The following KIAA1210 variants were observed in gnomAD, a reference collection of about 807,000 sequenced individuals.
KIAA1210 encodes the protein acrosomal protein KIAA1210.
A neutral mutation model predicts 78.9 loss-of-function variants in KIAA1210; 48 were observed. The ratio of observed to expected loss-of-function variants is 0.61; its 90% CI spans 0.48 to 0.77. KIAA1210 has a LOEUF of 0.77. Ranked by LOEUF, KIAA1210 falls within the 30% of genes least tolerant of loss-of-function variation. The probability of loss-of-function intolerance (pLI) is 0.00; values close to 1 mark genes in which losing one functional copy is unlikely to be tolerated. For synonymous variants in KIAA1210, 406 were observed against 404.5 expected, an observed-to-expected ratio of 1.00 and a Z score of -0.04; for missense variants, 1,108 against 1,100.0, an observed-to-expected ratio of 1.01 and a Z score of -0.10.
At chrX:119,111,550 A>G (rs750528584) in intron 3 of KIAA1210, among the ~76,000 whole-genome samples, 125 of 107,847 alleles carry the variant, frequency 1.2e-3, no homozygotes, top group African/African-American at 4.1e-3. Flanking sequence ...GTGGGAGCTG[A>G]ACAATGAGAA....
Position 119,105,136 on chromosome X carries a change from C to T in KIAA1210, c.504G>A (p.Ser168=), listed in dbSNP as rs373254404. Residue 168 remains serine, a synonymous_variant, in exon 6 of 12, where the codon TCG becomes TCA. Transcript: ENST00000691062. ...GGATGATGCTGAGTCGGCGTCGGCGCGATGGTGGGTTCTGTCAAGAGGGAG... is the reference window on the plus strand; with the variant it reads ...GGATGATGCTGAGTCGGCGTCGGCGTGATGGTGGGTTCTGTCAAGAGGGAG... ...AGPKITENPP[S]RRRRLSIIPP... 1.7e-5 allele frequency: 20 copies of T among 1,201,577 alleles called. No individual in the cohort carries two copies. Among genetic ancestry groups the T allele is most frequent in the Middle Eastern group, 2.3e-4 (1 of 4,341 alleles).
rs1446897726 is a variant in KIAA1210, at chrX:119,096,353, G to A, written c.846+141C>T. On this transcript the variant is annotated intron_variant, in intron 7 of 11. Coordinates refer to ENST00000691062, the MANE Select transcript of KIAA1210 (RefSeq NM_001394962.1). The stretch of plus-strand genomic sequence containing the variant: ...CACCCCTCTGGGGGTGTCAAGCTTA[G>A]GACAGCACCCTTGACCTTGCCAAGC... 5.8e-6 allele frequency: 3 copies of A among 519,816 alleles called. No individual in the cohort carries two copies. The Admixed American group carries it at 1.2e-4, about 21-fold the overall frequency. 42.8% of individuals were successfully genotyped at this position (519,816 alleles called of 1,213,427 possible). A position where few individuals can be genotyped will look rare whatever the true frequency, so the allele number is the denominator to read the frequency against.
intron 6 of KIAA1210, among the ~76,000 whole-genome samples, chrX:119,096,981 T>C (rs889099705): frequency 3.6e-5 from 4 of 111,703 alleles, no homozygotes; most frequent in Admixed American, 1.9e-4. Flanking sequence ...AACCACTTAA[T>C]TGAGTTTGCA....
At position 119,125,733 on chromosome X, in the gene KIAA1210, A is replaced by AT. The variant is rs1322949232; in HGVS notation, c.-11+1993dup. Among the ~76,000 whole-genome samples, 51 of 7,596 alleles carry AT rather than the reference A, an allele frequency of 6.7e-3. 1 individual carries two copies. The highest frequency in any genetic ancestry group is 0.01 in the African/African-American group (50 of 4,952). 6.6% of individuals were successfully genotyped at this position (7,596 alleles called of 115,157 possible). On this transcript the variant is annotated intron_variant, in intron 1 of 11. Transcript: ENST00000691062. ...CTAATACATATATATATATATATAT[A>AT]TATTTTTTTTTTTTTTTTTTTGGAG...
Position 119,081,266 on chromosome X carries a change from CAAAAAAAAAAA to C in KIAA1210, c.*52_*62del, listed in dbSNP as rs10714793. ...TGGGTAACAGAGCGAGACTCTGTCT[CAAAAAAAAAAA>C]AAAAAAAAAAAACTAAATAAAATAA... On this transcript the variant is annotated 3_prime_UTR_variant, in exon 12 of 12. Coordinates refer to ENST00000691062, the MANE Select transcript of KIAA1210 (RefSeq NM_001394962.1). The C allele has an allele frequency of 1.1e-5, 6 of 559,920 alleles. No individual in the cohort carries two copies. Among genetic ancestry groups the C allele is most frequent in the African/African-American group, 4.6e-5 (1 of 21,730 alleles). 46.1% of individuals were successfully genotyped at this position (559,920 alleles called of 1,213,427 possible).
chrX:119,086,770 T>G lies in KIAA1210; in HGVS notation c.3932A>C (p.Gln1311Pro), dbSNP rs1202202008. The change falls in exon 9 of 12, where the codon CAG becomes CCG. Residue 1311 changes from glutamine to proline, a missense_variant. Gln to Pro is a moderately conservative substitution (Grantham distance 76). Transcript: ENST00000691062. The part of the protein sequence containing the change: ...GVRLKRAPPS[Q>P]KYKSEKQDNF... ...ATCTTGTTTCTCACTCTTATACTTC[T>G]GCGAGGGAGGGGCTCTTTTCAGTCG... is the stretch of plus-strand genomic sequence containing the variant. The G allele has an allele frequency of 1.7e-5, 21 of 1,209,433 alleles. No individual in the cohort carries two copies. Among genetic ancestry groups the G allele is most frequent in the Non-Finnish European group, 2.2e-5 (20 of 894,984 alleles).
At position 119,125,735 on chromosome X, in the gene KIAA1210, A is replaced by ATATATATATATATATAT. The variant is rs5903546; in HGVS notation, c.-11+1991_-11+1992insATATATATATATATATA. On this transcript the variant is annotated intron_variant, in intron 1 of 11. Coordinates refer to ENST00000691062, the MANE Select transcript of KIAA1210 (RefSeq NM_001394962.1). ...AATACATATATATATATATATATAT[A>ATATATATATATATATAT]TTTTTTTTTTTTTTTTTTTGGAGAG... 1.3e-3 allele frequency among the ~76,000 whole-genome samples: 20 copies of ATATATATATATATATAT among 15,790 alleles called. 1 individual carries two copies. The highest frequency in any genetic ancestry group is 2.1e-3 in the African/African-American group (8 of 3,843). The allele number at this position is 15,790 out of a possible 115,157, so 13.7% of individuals were successfully genotyped here. A position where few individuals can be genotyped will look rare whatever the true frequency, so the allele number is the denominator to read the frequency against.
At chrX:119,106,287 A>C (rs1270048763) in intron 5 of KIAA1210, among the ~76,000 whole-genome samples, 1 of 112,438 alleles carries the variant, frequency 8.9e-6, no homozygotes, top group Non-Finnish European at 1.9e-5. Context: ...CCATAGATAC[A>C]TCTCACTGAA....
At chrX:119,147,053 T>C (rs1459232120) in intron 2 of KIAA1210, among the ~76,000 whole-genome samples, 4 of 111,506 alleles carry the variant, frequency 3.6e-5, no homozygotes, top group African/African-American at 6.5e-5. Flanking sequence ...TGCTTTCAAA[T>C]GGCCTAAATT....
intron 6 of KIAA1210, among the ~76,000 whole-genome samples, chrX:119,104,724 A>G (rs1347879607): frequency 8.9e-6 from 1 of 112,080 alleles, no homozygotes; most frequent in African/African-American, 3.2e-5. Flanking sequence ...AAAAGTCTGT[A>G]TTTTTATCTT....
intron 2 of KIAA1210, among the ~76,000 whole-genome samples, chrX:119,141,981 T>C (rs764954890): frequency 8.9e-6 from 1 of 112,541 alleles, no homozygotes; most frequent in African/African-American, 3.2e-5. Context: ...AAGAGAAATC[T>C]GGCACATTGA....
intron 1 of KIAA1210, among the ~76,000 whole-genome samples, chrX:119,147,810 C>A (rs1405982414): frequency 1.8e-5 from 2 of 111,353 alleles, no homozygotes; most frequent in Non-Finnish European, 3.8e-5. Context: ...GTACTGAAAT[C>A]GGAAATGGGT....
chrX:119,089,882 A>G, intron 8 of KIAA1210, 136 bp from the exon 9 acceptor site: 2 of 540,939 alleles, frequency 3.7e-6, no homozygotes, highest in Non-Finnish European at 5.9e-6. Flanking sequence ...TTTGGAAGAC[A>G]GAGGGCAACA....
At position 119,087,444 on chromosome X, in the gene KIAA1210, T is replaced by C; in HGVS notation, c.3258A>G (p.Leu1086=). ...GGTCTTCAGGCCTCCCCAAGGACTG[T>C]AAAGGGTGCTTCATAGGTAGCATCT... ...SSKMLPMKHP[L]QSLGRPEDPQ... is the part of the protein sequence containing the mutation. Residue 1086 remains leucine, a synonymous_variant, in exon 9 of 12, where the codon TTA becomes TTG. Transcript: ENST00000691062. The C allele has an allele frequency of 8.3e-7, 1 of 1,210,270 alleles. No individual in the cohort carries two copies. The highest frequency in any genetic ancestry group is 1.1e-6 in the Non-Finnish European group (1 of 894,807).
upstream of KIAA1210, among the ~76,000 whole-genome samples, chrX:119,131,807 G>A (rs1928799258): frequency 8.9e-6 from 1 of 112,282 alleles, no homozygotes; most frequent in South Asian, 3.7e-4. Flanking sequence ...AGGGCACAGT[G>A]GCTCACGCCT....
intron 2 of KIAA1210, among the ~76,000 whole-genome samples, chrX:119,135,489 C>T (rs1489600505): frequency 2.7e-5 from 3 of 111,520 alleles, no homozygotes; most frequent in Admixed American, 1.9e-4. Context: ...GGAGGAGGGG[C>T]AGGAAAGCAT....
At chrX:119,101,726 G>T (rs1311395259) in intron 6 of KIAA1210, among the ~76,000 whole-genome samples, 1 of 111,542 alleles carries the variant, frequency 9.0e-6, no homozygotes, top group Non-Finnish European at 1.9e-5. Flanking sequence ...TCTTAGAGAT[G>T]GAATTTCTGG....
chrX:119,104,121 T>C (rs1411713639), intron 6 of KIAA1210, among the ~76,000 whole-genome samples: 3 of 112,439 alleles, frequency 2.7e-5, no homozygotes, highest in African/African-American at 9.7e-5. Context: ...TGTATTTTAC[T>C]ACAATAAAAA....
Position 119,087,771 on chromosome X carries a change from C to T in KIAA1210, c.2931G>A (p.Leu977=), listed in dbSNP as rs777858195. ...AIEADISGSP[L]PPQYATQFLK... is the part of the protein sequence containing the mutation. ...AGAACTGGGTAGCATATTGGGGAGG[C>T]AATGGACTCCCAGAAATGTCTGCCT... The change falls in exon 9 of 12, where the codon TTG becomes TTA. Residue 977 remains leucine (L), a synonymous_variant. Transcript: ENST00000691062. 8.3e-7 allele frequency: 1 copy of T among 1,211,670 alleles called. No homozygotes were observed. Among genetic ancestry groups the T allele is most frequent in the South Asian group, 1.8e-5 (1 of 56,982 alleles).
Sources: allele counts gnomAD v4.1 joint callset (sites outside exome capture counted in the v4.1 genomes callset), GRCh38; gene constraint gnomAD v4.1.1; transcripts MANE v1.5; gene names NCBI Gene and HGNC (gene_info 2026-07-23, HGNC 2026-07-21).